The following EYA1 variants were observed in gnomAD, a reference collection of about 807,000 sequenced individuals.
EYA1 encodes the protein protein phosphatase EYA1.
A neutral mutation model predicts 82.0 loss-of-function variants in EYA1; 16 were observed. That is an observed-to-expected ratio of 0.20 (90% CI 0.13 to 0.30). The LOEUF (loss-of-function observed/expected upper bound fraction) is 0.30, where lower values mean the gene tolerates loss of function less well. EYA1 is among the 10% of genes least tolerant of loss of function. The probability of loss-of-function intolerance (pLI) is 1.00; values close to 1 mark genes in which losing one functional copy is unlikely to be tolerated. For synonymous variants in EYA1, 261 were observed against 264.4 expected, an observed-to-expected ratio of 0.99 and a Z score of 0.12; for missense variants, 633 against 730.7, an observed-to-expected ratio of 0.87 and a Z score of 1.54.
chr8:71,368,142 C>A (rs553885052), intron 2 of EYA1, among the ~76,000 whole-genome samples: 1 of 152,122 alleles, frequency 6.6e-6, no homozygotes, highest in African/African-American at 2.4e-5. Context: ...TAAAGCAAAG[C>A]CAAAGATCTG....
At chr8:71,223,179 T>C (rs1810144904) in intron 12 of EYA1, among the ~76,000 whole-genome samples, 1 of 152,026 alleles carries the variant, frequency 6.6e-6, no homozygotes, top group South Asian at 2.1e-4. Flanking sequence ...CCACAGCGTG[T>C]CCTAAGTAGG....
At chr8:71,420,999 G>A (rs1334217369) in intron 2 of EYA1, among the ~76,000 whole-genome samples, 3 of 152,026 alleles carry the variant, frequency 2.0e-5, no homozygotes, top group Non-Finnish European at 4.4e-5. Flanking sequence ...TCATGTGGTG[G>A]TCATGTCCAA....
intron 10 of EYA1, 54 bp from the exon 11 acceptor site, chr8:71,269,877 A>G: frequency 7.2e-7 from 1 of 1,396,556 alleles, no homozygotes; most frequent in Non-Finnish European, 1.0e-6. Flanking sequence ...GAAAGCTGTT[A>G]TTCAGTTAAC....
chr8:71,541,764 C>G (rs1425261253), intron 1 of EYA1, among the ~76,000 whole-genome samples: 1 of 152,168 alleles, frequency 6.6e-6, no homozygotes, highest in Non-Finnish European at 1.5e-5. Flanking sequence ...AAAACATAAT[C>G]TAATTGCACA....
intron 2 of EYA1, among the ~76,000 whole-genome samples, chr8:71,523,736 T>C (rs542180885): frequency 6.6e-5 from 10 of 152,356 alleles, no homozygotes; most frequent in Admixed American, 6.5e-4. Context: ...ATATGTTCAT[T>C]TGAAAATTTT....
chr8:71,386,743 T>C (rs1828986919), intron 2 of EYA1, among the ~76,000 whole-genome samples: 1 of 152,196 alleles, frequency 6.6e-6, no homozygotes, highest in South Asian at 2.1e-4. Context: ...AATCACAGAA[T>C]GGGTACAGAG....
chr8:71,350,934 G>A (rs901447667), intron 3 of EYA1, among the ~76,000 whole-genome samples: 2 of 152,066 alleles, frequency 1.3e-5, no homozygotes, highest in African/African-American at 4.8e-5. Context: ...TGAATCCTTC[G>A]AAAGAACCTT....
intron 11 of EYA1, among the ~76,000 whole-genome samples, chr8:71,259,878 CTA>C (rs1326254787): frequency 6.6e-6 from 1 of 152,116 alleles, no homozygotes; most frequent in Non-Finnish European, 1.5e-5. Context: ...TTTTATGTAA[CTA>C]TGTTTTAAAA....
At chr8:71,482,697 T>C (rs530039209) in intron 2 of EYA1, among the ~76,000 whole-genome samples, 4 of 152,172 alleles carry the variant, frequency 2.6e-5, no homozygotes, top group Admixed American at 1.3e-4. Context: ...TACACAGCAA[T>C]GAAAAGAATG....
intron 12 of EYA1, among the ~76,000 whole-genome samples, chr8:71,237,886 G>C (rs762318503): frequency 1.3e-5 from 2 of 152,080 alleles, no homozygotes; most frequent in Admixed American, 6.5e-5. Flanking sequence ...TAAACTAAAT[G>C]CATGGGTATA....
intron 2 of EYA1, among the ~76,000 whole-genome samples, chr8:71,527,672 A>C (rs965035951): frequency 2.6e-5 from 4 of 152,148 alleles, no homozygotes; most frequent in Admixed American, 2.0e-4. Context: ...CCAGTTCTGC[A>C]TCCCATCTGC....
At chr8:71,253,714 T>A (rs1033855847) in intron 11 of EYA1, among the ~76,000 whole-genome samples, 1 of 152,134 alleles carries the variant, frequency 6.6e-6, no homozygotes, top group African/African-American at 2.4e-5. Flanking sequence ...CACTTGAAAC[T>A]AAGGGTGGTA....
rs1203735624 is a variant in EYA1, at chr8:71,407,970, G to A, written c.34-51459C>T. ...GGAAAAAATGTTAAGGGCAGCCAGA[G>A]AGAAAGGTCGGGTTACCCTCAAAGG... On this transcript the variant is annotated intron_variant, in intron 2 of 18. Transcript: ENST00000643681. Among the ~76,000 whole-genome samples, 94 of 151,028 alleles carry A rather than the reference G, an allele frequency of 6.2e-4. 1 individual carries two copies. The highest frequency in any genetic ancestry group is 2.0e-3 in the African/African-American group (82 of 41,170).
intron 4 of EYA1, among the ~76,000 whole-genome samples, chr8:71,328,744 C>A (rs1001815422): frequency 7.2e-5 from 11 of 152,140 alleles, no homozygotes; most frequent in Non-Finnish European, 5.9e-5. Context: ...CTACATTTAT[C>A]AAAAACTTTA....
At chr8:71,399,646 C>T (rs1829838982) in intron 2 of EYA1, among the ~76,000 whole-genome samples, 1 of 152,066 alleles carries the variant, frequency 6.6e-6, no homozygotes, top group African/African-American at 2.4e-5. Flanking sequence ...TCAGAGAGGA[C>T]ACAAACAAAT....
chr8:71,383,357 T>G (rs1039266189), intron 2 of EYA1, among the ~76,000 whole-genome samples: 4 of 152,088 alleles, frequency 2.6e-5, no homozygotes, highest in African/African-American at 9.6e-5. Flanking sequence ...CTCCTACACA[T>G]GAGTGCAAAG....
chr8:71,315,958 T>C (rs62506577), intron 7 of EYA1, among the ~76,000 whole-genome samples: 15,331 of 152,106 alleles, frequency 0.1, 1,016 homozygotes, highest in South Asian at 0.23. Flanking sequence ...TAGTTTGCCA[T>C]ACAGGAAAAT....
intron 2 of EYA1, among the ~76,000 whole-genome samples, chr8:71,399,378 A>G (rs937052408): frequency 7.0e-4 from 107 of 152,192 alleles, no homozygotes; most frequent in African/African-American, 2.5e-3. Flanking sequence ...GGAGCTGCAG[A>G]CTGGGCTGTT....
intron 2 of EYA1, among the ~76,000 whole-genome samples, chr8:71,504,182 T>A (rs1484196087): frequency 1.3e-5 from 2 of 152,254 alleles, no homozygotes; most frequent in East Asian, 1.9e-4. Flanking sequence ...TACAAAAAAA[T>A]TTGAATTTAA....
Sources: allele counts gnomAD v4.1 joint callset (sites outside exome capture counted in the v4.1 genomes callset), GRCh38; gene constraint gnomAD v4.1.1; transcripts MANE v1.5; gene names NCBI Gene and HGNC (gene_info 2026-07-23, HGNC 2026-07-21).